Variants in SPINK9 observed in about 807,000 individuals in gnomAD.
SPINK9 encodes the protein serine protease inhibitor Kazal-type 9.
Under a neutral mutation model 10.8 loss-of-function variants are expected in SPINK9, and 3 were observed. The ratio of observed to expected loss-of-function variants is 0.28; its 90% CI spans 0.13 to 0.72. The LOEUF (loss-of-function observed/expected upper bound fraction) is 0.72, where lower values mean the gene tolerates loss of function less well. Ranked by LOEUF, SPINK9 falls within the 30% of genes least tolerant of loss-of-function variation. The probability of loss-of-function intolerance (pLI) is 0.74; values close to 1 mark genes in which losing one functional copy is unlikely to be tolerated. For synonymous variants in SPINK9, 30 were observed against 31.2 expected (o/e 0.96, Z 0.12); for missense variants, 101 against 103.2 (o/e 0.98, Z 0.09).
chr5:148,329,420 C>A (rs1197904601), intron 2 of SPINK9, among the ~76,000 whole-genome samples: 2 of 151,944 alleles, frequency 1.3e-5, no homozygotes, highest in African/African-American at 4.8e-5. Flanking sequence ...GTCTTGCTAG[C>A]CGTCTATCAA....
chr5:148,327,585 C>G (rs1184031093), intron 2 of SPINK9, among the ~76,000 whole-genome samples: 2 of 152,032 alleles, frequency 1.3e-5, no homozygotes, highest in African/African-American at 2.4e-5. Context: ...TTGCCCATGC[C>G]TATGTCCTGA....
intron 2 of SPINK9, among the ~76,000 whole-genome samples, chr5:148,326,749 T>C (rs1757066925): frequency 6.6e-6 from 1 of 151,578 alleles, no homozygotes; most frequent in East Asian, 1.9e-4. Flanking sequence ...CACCTATGAG[T>C]GAGAACATGC....
upstream of SPINK9, among the ~76,000 whole-genome samples, chr5:148,332,740 T>C (rs561295329): frequency 3.4e-4 from 51 of 152,208 alleles, no homozygotes; most frequent in Non-Finnish European, 4.7e-4. Context: ...GGACTCATCA[T>C]AGAGGGAAAA....
intron 2 of SPINK9, among the ~76,000 whole-genome samples, chr5:148,328,648 A>G (rs1036327417): frequency 6.6e-6 from 1 of 152,154 alleles, no homozygotes; most frequent in Non-Finnish European, 1.5e-5. Flanking sequence ...TTTGTCATAG[A>G]TAGCCCTTAT....
intron 2 of SPINK9, among the ~76,000 whole-genome samples, chr5:148,325,771 T>C (rs1160027934): frequency 6.6e-6 from 1 of 152,184 alleles, no homozygotes; most frequent in Non-Finnish European, 1.5e-5. Context: ...TGTCTTGTAC[T>C]TTTAATGTCA....
At chr5:148,339,632 A>C in intron 3 of SPINK9, 35 bp from the exon 4 acceptor site, 2 of 1,592,904 alleles carry the variant, frequency 1.3e-6, no homozygotes, top group South Asian at 2.2e-5. Flanking sequence ...CTATGGGCTC[A>C]GCATTTCTCA....
At chr5:148,327,104 G>A (rs1190063280) in intron 2 of SPINK9, among the ~76,000 whole-genome samples, 1 of 152,144 alleles carries the variant, frequency 6.6e-6, no homozygotes, top group Non-Finnish European at 1.5e-5. Context: ...CTCCCACAAT[G>A]GTTGAACTAG....
intron 1 of SPINK9, chr5:148,323,641 G>T: frequency 1.9e-6 from 1 of 534,714 alleles, no homozygotes; most frequent in South Asian, 2.7e-5. Context: ...TCATATGAAT[G>T]TGAAGTAAAT....
upstream of SPINK9, among the ~76,000 whole-genome samples, chr5:148,330,708 C>T (rs1757137238): frequency 6.6e-6 from 1 of 152,116 alleles, no homozygotes; most frequent in Admixed American, 6.5e-5. Flanking sequence ...CTGGTGGTGA[C>T]AAAATCTCTC....
chr5:148,326,204 T>C lies in SPINK9; in HGVS notation c.118+2336T>C, dbSNP rs556586517. ...TTAAAACCACAATAGTATATCACTTTGCACCTGTTAGATTGGCTAGGATCA... is the reference window on the plus strand; with the variant it reads ...TTAAAACCACAATAGTATATCACTTCGCACCTGTTAGATTGGCTAGGATCA... On this transcript the variant is annotated intron_variant, in intron 2 of 4. Transcript: ENST00000511717. Among the ~76,000 whole-genome samples, 3 of 152,316 alleles carry C rather than the reference T, an allele frequency of 2.0e-5. No individual in the cohort carries two copies. The East Asian group carries it at 5.8e-4, about 29-fold the overall frequency.
At chr5:148,339,289 T>C (rs796074293) in intron 3 of SPINK9, among the ~76,000 whole-genome samples, 17 of 152,074 alleles carry the variant, frequency 1.1e-4, no homozygotes, top group Admixed American at 2.0e-4. Context: ...ATTTTAAATA[T>C]TTTAAAAAAT....
upstream of SPINK9, among the ~76,000 whole-genome samples, chr5:148,331,384 A>C (rs369473589): frequency 1.2e-4 from 18 of 152,340 alleles, no homozygotes; most frequent in East Asian, 3.5e-3. Flanking sequence ...AGACAAATAA[A>C]TACTACGTGA....
chr5:148,327,821 T>C (rs1356919391), intron 2 of SPINK9, among the ~76,000 whole-genome samples: 2 of 152,138 alleles, frequency 1.3e-5, no homozygotes, highest in Non-Finnish European at 2.9e-5. Flanking sequence ...GTTGTAGATA[T>C]GTGGCATTAT....
At chr5:148,330,871 G>A (rs187371578), upstream of SPINK9, among the ~76,000 whole-genome samples, 64 of 152,234 alleles carry the variant, frequency 4.2e-4, 1 homozygote, top group South Asian at 1.0e-3. Flanking sequence ...CTCCATGGGC[G>A]TAGGACCCTC....
At chr5:148,337,475 A>G (rs1581190741) in intron 2 of SPINK9, among the ~76,000 whole-genome samples, 1 of 152,174 alleles carries the variant, frequency 6.6e-6, no homozygotes, top group Non-Finnish European at 1.5e-5. Context: ...AAGTTTGAGT[A>G]TATTCCAAGC....
intron 2 of SPINK9, among the ~76,000 whole-genome samples, chr5:148,326,790 T>C: frequency 6.6e-6 from 1 of 151,950 alleles, no homozygotes; most frequent in Non-Finnish European, 1.5e-5. Context: ...TGCGACAGTT[T>C]GCTGAGAATG....
chr5:148,338,589 T>C lies in SPINK9; in HGVS notation c.199T>C (p.Phe67Leu). 1 of 1,590,904 alleles carries C rather than the reference T, an allele frequency of 6.3e-7. No individual in the cohort carries two copies. The highest frequency in any genetic ancestry group is 2.2e-5 in the East Asian group (1 of 44,626). ...CAAAACTTATAAAAATGATTGCTTC[T>C]TCTGTTCTAAAGTTAAGTAAGTATT... Reference protein sequence around the residue: ...DGKTYKNDCFFCSKVKKTDGT... With the variant: ...DGKTYKNDCFLCSKVKKTDGT... The change falls in exon 3 of 4, where the codon TTC (phenylalanine) becomes CTC (leucine). Residue 67 changes from phenylalanine (F) to leucine (L), a missense_variant. Phe to Leu is a conservative substitution (Grantham distance 22). Coordinates refer to ENST00000377906, the MANE Select transcript of SPINK9 (RefSeq NM_001040433.2).
chr5:148,336,156 A>C (rs1414681094), intron 1 of SPINK9, among the ~76,000 whole-genome samples: 1 of 152,194 alleles, frequency 6.6e-6, no homozygotes, highest in East Asian at 1.9e-4. Flanking sequence ...GTTATGAAGT[A>C]AAAAAGATTA....
intron 2 of SPINK9, among the ~76,000 whole-genome samples, chr5:148,329,989 C>G (rs575424598): frequency 7.6e-4 from 116 of 152,108 alleles, no homozygotes; most frequent in South Asian, 2.1e-3. Context: ...CTGTTGATTT[C>G]GGGTGGAGAG....
Sources: allele counts gnomAD v4.1 joint callset (sites outside exome capture counted in the v4.1 genomes callset), GRCh38; gene constraint gnomAD v4.1.1; transcripts MANE v1.5; gene names NCBI Gene and HGNC (gene_info 2026-07-23, HGNC 2026-07-21).